AKT3: variants seen among roughly 807,000 people sequenced by gnomAD.
The protein encoded by AKT3 is AKT serine/threonine kinase 3, also known as RAC-gamma serine/threonine-protein kinase.
In AKT3, 15 loss-of-function variants were observed where a neutral mutation model predicts 65.3. The observed-to-expected ratio is 0.23, with a 90% confidence interval of 0.15 to 0.35. The LOEUF is 0.35. Among genes scored for constraint, AKT3 ranks in the 10% least tolerant of loss-of-function variants. AKT3 has a pLI of 1.00. For synonymous variants in AKT3, 206 were observed against 183.8 expected, an observed-to-expected ratio of 1.12 and a Z score of -0.98; for missense variants, 243 against 576.5, an observed-to-expected ratio of 0.42 and a Z score of 5.92.
At chr1:243,568,189 ACT>A (rs1486760262) in intron 9 of AKT3, among the ~76,000 whole-genome samples, 1 of 152,172 alleles carries the variant, frequency 6.6e-6, no homozygotes, top group Non-Finnish European at 1.5e-5. Context: ...GCATATTGTC[ACT>A]GACTGCTTAG....
At chr1:243,834,247 GAC>G (rs1001389564) in intron 2 of AKT3, among the ~76,000 whole-genome samples, 2 of 151,984 alleles carry the variant, frequency 1.3e-5, no homozygotes, top group African/African-American at 4.8e-5. Context: ...CAACAGAAAA[GAC>G]ACAGAATCAA....
intron 12 of AKT3, among the ~76,000 whole-genome samples, chr1:243,514,618 A>C (rs1028198162): frequency 6.6e-6 from 1 of 152,218 alleles, no homozygotes; most frequent in Admixed American, 6.5e-5. Flanking sequence ...ACTTTAAAAA[A>C]AAGTTTATTG....
intron 2 of AKT3, among the ~76,000 whole-genome samples, chr1:243,787,549 A>G (rs1691346736): frequency 6.6e-6 from 1 of 152,240 alleles, no homozygotes; most frequent in African/African-American, 2.4e-5. Context: ...ATAACTACAT[A>G]GGGTATTCAG....
At chr1:243,541,083 A>G (rs1406187181) in intron 12 of AKT3, among the ~76,000 whole-genome samples, 1 of 152,180 alleles carries the variant, frequency 6.6e-6, no homozygotes, top group Non-Finnish European at 1.5e-5. Flanking sequence ...TCACAGGGAG[A>G]TATCTTGAGA....
At chr1:243,694,249 G>A (rs911202424) in intron 3 of AKT3, among the ~76,000 whole-genome samples, 12 of 152,112 alleles carry the variant, frequency 7.9e-5, no homozygotes, top group Non-Finnish European at 1.8e-4. Context: ...AATGTATGCT[G>A]CTTATGTTCT....
intron 10 of AKT3, among the ~76,000 whole-genome samples, chr1:243,561,645 A>G (rs1183638064): frequency 6.6e-6 from 1 of 152,170 alleles, no homozygotes; most frequent in African/African-American, 2.4e-5. Flanking sequence ...GATGCTCATT[A>G]AATAGTTACC....
intron 2 of AKT3, among the ~76,000 whole-genome samples, chr1:243,698,987 G>A (rs192770024): frequency 4.1e-4 from 62 of 151,592 alleles, no homozygotes; most frequent in African/African-American, 1.5e-3. Flanking sequence ...CTAGCTGTTC[G>A]AAAAGGAACT....
intron 4 of AKT3, among the ~76,000 whole-genome samples, chr1:243,646,554 C>G: frequency 6.6e-6 from 1 of 151,986 alleles, no homozygotes; most frequent in East Asian, 1.9e-4. Flanking sequence ...GGGGTTTCAC[C>G]ATGTTGGCCA....
intron 4 of AKT3, among the ~76,000 whole-genome samples, chr1:243,663,271 T>C (rs1682511149): frequency 6.6e-6 from 1 of 152,238 alleles, no homozygotes; most frequent in African/African-American, 2.4e-5. Flanking sequence ...CCTAGTCTAT[T>C]AGAGTCAGAG....
At chr1:243,821,266 C>T (rs1693835726) in intron 2 of AKT3, among the ~76,000 whole-genome samples, 4 of 152,080 alleles carry the variant, frequency 2.6e-5, no homozygotes, top group Admixed American at 2.6e-4. Flanking sequence ...GCCTGCTTTG[C>T]AAGAGCTCCT....
In AKT3 at chr1:243,645,913, T is replaced by C. The variant is rs1351256745; in HGVS notation, c.409A>G (p.Thr137Ala). The C allele has an allele frequency of 5.0e-6, 8 of 1,611,560 alleles. No individual in the cohort carries two copies. The highest frequency in any genetic ancestry group is 1.7e-5 in the Admixed American group (1 of 59,826). Residue 137 changes from threonine to alanine, a missense_variant, in exon 5 of 14, where the codon ACA becomes GCA. Thr to Ala is a moderately conservative substitution (Grantham distance 58). Coordinates refer to ENST00000673466, the MANE Select transcript of AKT3 (RefSeq NM_005465.7). ...TCTACCTTTCTTTTATGATGGGTTG[T>C]AGAGGCATCCATCTCTTCCTCTCCT... ...NIGEEEMDAS[T>A]THHKRKTMND...
chr1:243,833,233 T>C (rs193260860), intron 2 of AKT3, among the ~76,000 whole-genome samples: 12 of 152,120 alleles, frequency 7.9e-5, no homozygotes, highest in African/African-American at 2.7e-4. Context: ...GCCTGGGTGA[T>C]AGAGCAAGAC....
intron 8 of AKT3, among the ~76,000 whole-genome samples, chr1:243,574,667 T>G (rs1446813686): frequency 2.0e-5 from 3 of 152,144 alleles, no homozygotes; most frequent in African/African-American, 4.8e-5. Flanking sequence ...TTTCATATAG[T>G]TAGATATATA....
intron 2 of AKT3, among the ~76,000 whole-genome samples, chr1:243,699,512 T>TATATATATAA (rs1253293936): frequency 7.9e-6 from 1 of 126,602 alleles, no homozygotes; most frequent in African/African-American, 3.3e-5. Context: ...TATATATATA[T>TATATATATAA]AATCTTCATG....
chr1:243,559,590 T>C (rs3753549), intron 10 of AKT3, among the ~76,000 whole-genome samples: 25,850 of 152,128 alleles, frequency 0.17, 2,374 homozygotes, highest in South Asian at 0.3. Context: ...ATAAACTGGC[T>C]TTAAACTGAT....
chr1:243,652,194 T>G lies in AKT3; in HGVS notation c.285-6157A>C, dbSNP rs956201551. ...TCCCAAGTAGCTAGGAGTACAGGTG[T>G]CTGCCCCCATGCTTGGCTAATTTTT... On this transcript the variant is annotated intron_variant, in intron 4 of 13. Transcript: ENST00000673466. 3.3e-5 allele frequency among the ~76,000 whole-genome samples: 5 copies of G among 151,996 alleles called. No individual in the cohort carries two copies. In the South Asian group the frequency reaches 1.0e-3, roughly 31 times the overall value.
At chr1:243,706,169 T>C (rs1342112100) in intron 2 of AKT3, among the ~76,000 whole-genome samples, 1 of 152,080 alleles carries the variant, frequency 6.6e-6, no homozygotes, top group African/African-American at 2.4e-5. Flanking sequence ...AGGTGGGCAA[T>C]AACCATTAAT....
intron 12 of AKT3, among the ~76,000 whole-genome samples, chr1:243,533,914 C>A (rs573157282): frequency 6.6e-5 from 10 of 152,206 alleles, no homozygotes; most frequent in African/African-American, 1.9e-4. Flanking sequence ...AGTGTGAAGC[C>A]GGGAGGCGGA....
At chr1:243,519,497 T>C (rs1401257699) in intron 12 of AKT3, among the ~76,000 whole-genome samples, 1 of 152,190 alleles carries the variant, frequency 6.6e-6, no homozygotes, top group African/African-American at 2.4e-5. Flanking sequence ...GCAAAGGTCA[T>C]GGCAACAGTT....
Sources: gnomAD v4.1 joint callset for allele counts (sites outside exome capture counted in the v4.1 genomes callset) on GRCh38, gnomAD v4.1.1 for gene constraint, MANE v1.5 for transcripts, NCBI Gene and HGNC (gene_info 2026-07-23, HGNC 2026-07-21) for gene names.